Variants in SLC4A5 observed in about 807,000 individuals in gnomAD.
The protein encoded by SLC4A5 is solute carrier family 4 member 5, also known as electrogenic sodium bicarbonate cotransporter 4.
A neutral mutation model predicts 120.4 loss-of-function variants in SLC4A5; 96 were observed. The observed-to-expected ratio is 0.80, with a 90% CI of 0.68 to 0.94. The LOEUF (loss-of-function observed/expected upper bound fraction) is 0.94, where lower values mean the gene tolerates loss of function less well. Among genes scored for constraint, SLC4A5 ranks in the 40% least tolerant of loss-of-function variants. The pLI is 0.00. For synonymous variants in SLC4A5, 550 were observed against 571.1 expected (o/e 0.96, Z 0.53); for missense variants, 1,259 against 1,459.5 (o/e 0.86, Z 2.24).
chr2:74,341,713 T>A (rs1486839451), intron 2 of SLC4A5, among the ~76,000 whole-genome samples: 1 of 151,902 alleles, frequency 6.6e-6, no homozygotes, highest in Non-Finnish European at 1.5e-5. Flanking sequence ...AAAAAAAGAG[T>A]CTGTGATCTA....
intron 28 of SLC4A5, 116 bp downstream of exon 28, chr2:74,224,724 T>C: frequency 7.0e-7 from 1 of 1,424,814 alleles, no homozygotes; most frequent in East Asian, 2.3e-5. Context: ...CATCCTGGAC[T>C]GGGCCGAGGC....
At chr2:74,243,310 G>A (rs546533982) in intron 19 of SLC4A5, among the ~76,000 whole-genome samples, 24 of 152,294 alleles carry the variant, frequency 1.6e-4, no homozygotes, top group African/African-American at 5.8e-4. Flanking sequence ...CCTGGGATGT[G>A]GCCACCCATA....
chr2:74,246,953 G>C, intron 19 of SLC4A5, 83 bp downstream of exon 19: 1 of 1,535,626 alleles, frequency 6.5e-7, no homozygotes, highest in Non-Finnish European at 8.8e-7. Flanking sequence ...CTCCCCAGCA[G>C]TAGAAGTAGA....
At chr2:74,268,328 G>C (rs1261510111) in intron 8 of SLC4A5, among the ~76,000 whole-genome samples, 1 of 152,198 alleles carries the variant, frequency 6.6e-6, no homozygotes, top group Non-Finnish European at 1.5e-5. Context: ...TGCCATTCTA[G>C]ATCTCCTCGT....
intron 5 of SLC4A5, among the ~76,000 whole-genome samples, chr2:74,316,214 T>G (rs913786386): frequency 2.7e-5 from 4 of 147,250 alleles, no homozygotes; most frequent in African/African-American, 1.0e-4. Context: ...TTAAAAAAAT[T>G]AGAAAACCTA....
In SLC4A5 at chr2:74,255,672, G is replaced by A. The variant is rs1670941260; in HGVS notation, c.1025+103C>T. Reference sequence around the variant, plus strand: ...CCCTTCCCAGCAGCCTCCACGTTTAGAGGTGCCTTTGAGAACACTAACAGT... The same window carrying A: ...CCCTTCCCAGCAGCCTCCACGTTTAAAGGTGCCTTTGAGAACACTAACAGT... On this transcript the variant is annotated intron_variant, in intron 13 of 30. Transcript: ENST00000394019. The surrounding 1 kb of genome is among the most constrained non-coding windows in gnomAD (Gnocchi z 4.0). The A allele has an allele frequency of 2.2e-6, 3 of 1,345,632 alleles. No individual in the cohort carries two copies. The South Asian group carries it at 4.1e-5, about 19-fold the overall frequency. 83.4% of individuals were successfully genotyped at this position (1,345,632 alleles called of 1,614,324 possible).
intron 17 of SLC4A5, 136 bp downstream of exon 17, chr2:74,250,207 A>C (rs1417077596): frequency 1.4e-6 from 1 of 735,164 alleles, no homozygotes; most frequent in Non-Finnish European, 2.2e-6. Flanking sequence ...TGAAGCGTAA[A>C]GGATTACAAA....
At chr2:74,250,254 T>G in intron 17 of SLC4A5, 89 bp downstream of exon 17, 1 of 1,386,180 alleles carries the variant, frequency 7.2e-7, no homozygotes, top group Non-Finnish European at 9.9e-7. Context: ...GATGAAACCT[T>G]GGTTTTGGGA....
chr2:74,277,109 T>C (rs1573053419), intron 8 of SLC4A5, among the ~76,000 whole-genome samples: 1 of 152,174 alleles, frequency 6.6e-6, no homozygotes, highest in African/African-American at 2.4e-5. Flanking sequence ...TGGGCTTCTG[T>C]TACTTGTAGC....
intron 5 of SLC4A5, among the ~76,000 whole-genome samples, chr2:74,321,408 C>T (rs1206020526): frequency 6.6e-6 from 1 of 152,148 alleles, no homozygotes; most frequent in African/African-American, 2.4e-5. Context: ...TTCTTCCTTC[C>T]TGGATAGAGT....
intron 7 of SLC4A5, among the ~76,000 whole-genome samples, 176 bp downstream of exon 7, chr2:74,304,313 T>C (rs906291159): frequency 3.9e-5 from 6 of 152,026 alleles, no homozygotes; most frequent in Non-Finnish European, 5.9e-5. Flanking sequence ...ACCAAAAGTG[T>C]CAGTGAGCAG....
At chr2:74,254,878 G>C (rs536021049) in intron 13 of SLC4A5, among the ~76,000 whole-genome samples, 172 bp from the exon 14 acceptor site, 2 of 151,088 alleles carry the variant, frequency 1.3e-5, no homozygotes, top group Non-Finnish European at 2.9e-5. Context: ...GGAGTGCAGT[G>C]GCGCAATCTT....
intron 7 of SLC4A5, chr2:74,290,449 A>G (rs1672123207): frequency 1.0e-6 from 1 of 985,404 alleles, no homozygotes; most frequent in African/African-American, 1.7e-5. Context: ...GAGAGAGAGA[A>G]AAGGAATGTG....
chr2:74,270,274 C>T (rs1486490489), intron 8 of SLC4A5, among the ~76,000 whole-genome samples: 2 of 152,210 alleles, frequency 1.3e-5, no homozygotes, highest in African/African-American at 4.8e-5. Context: ...AAATTTAGCT[C>T]ACTTTCACCT....
intron 5 of SLC4A5, among the ~76,000 whole-genome samples, chr2:74,316,185 G>T (rs1365455693): frequency 6.6e-6 from 1 of 151,688 alleles, no homozygotes; most frequent in Non-Finnish European, 1.5e-5. Context: ...AAAAACAATA[G>T]AAGTATCAAA....
At chr2:74,306,649 T>G in intron 6 of SLC4A5, 3 of 517,738 alleles carry the variant, frequency 5.8e-6, no homozygotes, top group Non-Finnish European at 6.1e-6. Flanking sequence ...TGATAGTTCA[T>G]TTCTTTTTTT....
chr2:74,314,994 T>C (rs1317915364), exon 6 of SLC4A5: 1 of 1,614,024 alleles, frequency 6.2e-7, no homozygotes, highest in Non-Finnish European at 8.5e-7. Context: ...CCAGCTTTCC[T>C]ACCCCAGCCT....
intron 4 of SLC4A5, among the ~76,000 whole-genome samples, chr2:74,333,800 A>T (rs764483459): frequency 4.6e-5 from 7 of 152,212 alleles, no homozygotes; most frequent in Non-Finnish European, 1.0e-4. Context: ...GCTAAATGCC[A>T]TCTGAACCCT....
At chr2:74,299,835 A>AC (rs576037553) in intron 7 of SLC4A5, among the ~76,000 whole-genome samples, 21 of 152,318 alleles carry the variant, frequency 1.4e-4, no homozygotes, top group African/African-American at 1.9e-4. Context: ...TAAAAGTAGA[A>AC]CTAGTATATG....
Sources: allele counts gnomAD v4.1 joint callset (sites outside exome capture counted in the v4.1 genomes callset), GRCh38; gene constraint gnomAD v4.1.1; non-coding constraint Gnocchi (gnomAD v3.1); transcripts MANE v1.5; gene names NCBI Gene and HGNC (gene_info 2026-07-23, HGNC 2026-07-21).